PDE1A: variants seen among roughly 807,000 people sequenced by gnomAD.
The protein encoded by PDE1A is dual specificity calcium/calmodulin-dependent 3',5'-cyclic nucleotide phosphodiesterase 1A.
PDE1A carries 35 observed loss-of-function variants against 61.7 expected under a neutral mutation model. The observed-to-expected ratio is 0.57, with a 90% CI of 0.43 to 0.75. The LOEUF (loss-of-function observed/expected upper bound fraction) is 0.75. Among genes scored for constraint, PDE1A ranks in the 30% least tolerant of loss-of-function variants. The pLI is 0.00. For synonymous variants in PDE1A, 232 were observed against 213.2 expected (o/e 1.09, Z -0.77); for missense variants, 597 against 630.6 (o/e 0.95, Z 0.57).
chr2:182,626,738 C>T, the PDE1A span, among the ~76,000 whole-genome samples: 1,362 of 13,648 alleles, frequency 0.1, 240 homozygotes, highest in Middle Eastern at 0.67. Flanking sequence ...TATATATATA[C>T]ATATATATAC....
chr2:182,227,919 T>C (rs896502499), intron 6 of PDE1A, among the ~76,000 whole-genome samples: 1 of 152,090 alleles, frequency 6.6e-6, no homozygotes, highest in East Asian at 1.9e-4. Context: ...TTCTGTGTAG[T>C]CAGTGCACTA....
the PDE1A span, among the ~76,000 whole-genome samples, chr2:182,657,489 G>C: frequency 0.014 from 2,181 of 152,210 alleles, 41 homozygotes; most frequent in African/African-American, 0.049. Context: ...AAAATCCTAA[G>C]TGGGCAGGAT....
chr2:182,473,531 T>G (rs1483905294), intron 2 of PDE1A, among the ~76,000 whole-genome samples: 2 of 151,902 alleles, frequency 1.3e-5, no homozygotes, highest in African/African-American at 2.4e-5. Flanking sequence ...ATGTGCAGGT[T>G]TGTTACATAG....
At chr2:182,582,258 G>T in the PDE1A span, among the ~76,000 whole-genome samples, 1 of 152,140 alleles carries the variant, frequency 6.6e-6, no homozygotes, top group African/African-American at 2.4e-5. Flanking sequence ...AGTTATGTCA[G>T]TTGGCATGAA....
the PDE1A span, among the ~76,000 whole-genome samples, chr2:182,558,973 C>T: frequency 6.6e-6 from 1 of 152,204 alleles, no homozygotes; most frequent in South Asian, 2.1e-4. Flanking sequence ...CTTTGATCAT[C>T]GCTAATATCA....
At chr2:182,657,757 A>G in the PDE1A span, among the ~76,000 whole-genome samples, 3 of 152,200 alleles carry the variant, frequency 2.0e-5, no homozygotes, top group Admixed American at 6.5e-5. Flanking sequence ...TTTGCTTCCA[A>G]TTCTCCTAAA....
At chr2:182,528,663 T>C in the PDE1A span, among the ~76,000 whole-genome samples, 3 of 152,106 alleles carry the variant, frequency 2.0e-5, no homozygotes, top group Non-Finnish European at 2.9e-5. Flanking sequence ...GCCCCTCCCA[T>C]CACAAGCCTG....
intron 2 of PDE1A, among the ~76,000 whole-genome samples, chr2:182,496,913 T>C (rs990681541): frequency 2.0e-5 from 3 of 152,240 alleles, no homozygotes; most frequent in African/African-American, 7.2e-5. Context: ...AATCCCTTTC[T>C]GTTTCAAATA....
chr2:182,178,534 G>A (rs1308346368), intron 13 of PDE1A, among the ~76,000 whole-genome samples: 1 of 152,208 alleles, frequency 6.6e-6, no homozygotes, highest in East Asian at 1.9e-4. Context: ...TGCATTTTGA[G>A]TTATTTCCGA....
At chr2:182,247,946 A>G (rs1235701978) in intron 2 of PDE1A, among the ~76,000 whole-genome samples, 1 of 152,186 alleles carries the variant, frequency 6.6e-6, no homozygotes, top group African/African-American at 2.4e-5. Flanking sequence ...GTGCATAATC[A>G]TTTACATTGT....
intron 10 of PDE1A, among the ~76,000 whole-genome samples, chr2:182,189,947 C>A (rs908688979): frequency 6.6e-6 from 1 of 152,186 alleles, no homozygotes; most frequent in Non-Finnish European, 1.5e-5. Context: ...AATTTATTGG[C>A]TGTATACCTT....
intron 1 of PDE1A, among the ~76,000 whole-genome samples, chr2:182,371,177 G>T (rs1206649031): frequency 6.6e-6 from 1 of 151,928 alleles, no homozygotes; most frequent in South Asian, 2.1e-4. Flanking sequence ...AAAAGACTAC[G>T]AAAAAAGTAG....
chr2:182,476,682 T>A (rs1687385644), intron 2 of PDE1A, among the ~76,000 whole-genome samples: 1 of 151,862 alleles, frequency 6.6e-6, no homozygotes, highest in Admixed American at 6.6e-5. Flanking sequence ...TCAAAGCTTA[T>A]CAGAATTAAA....
rs1035306139 is a variant in PDE1A at position 182,420,019 on chromosome 2, TAATAG to T, written c.53+6554_53+6558del. 2.0e-5 allele frequency among the ~76,000 whole-genome samples: 3 copies of T among 149,018 alleles called. No individual in the cohort carries two copies. In the East Asian group the frequency reaches 5.8e-4, roughly 29 times the overall value. ...AATTATAATAGAATTATAATAATTA[TAATAG>T]AAGTATAATATAATTAATACTAATT... is the stretch of plus-strand genomic sequence containing the variant. On this transcript the variant is annotated intron_variant, in intron 1 of 13. Transcript: ENST00000351439.
At chr2:182,252,593 A>G (rs1313080505) in intron 2 of PDE1A, among the ~76,000 whole-genome samples, 1 of 152,228 alleles carries the variant, frequency 6.6e-6, no homozygotes, top group Non-Finnish European at 1.5e-5. Context: ...AAAGGAAGGC[A>G]GGAGAGATCT....
downstream of PDE1A, among the ~76,000 whole-genome samples, chr2:182,165,249 C>G (rs893419820): frequency 6.6e-6 from 1 of 152,152 alleles, no homozygotes; most frequent in African/African-American, 2.4e-5. Context: ...CTCACTGTTT[C>G]TGCAACATTA....
intron 2 of PDE1A, among the ~76,000 whole-genome samples, chr2:182,478,552 T>A (rs1687514387): frequency 6.6e-6 from 1 of 151,900 alleles, no homozygotes; most frequent in Admixed American, 6.6e-5. Flanking sequence ...CTACTGTATT[T>A]CCTCATGTCA....
the PDE1A span, among the ~76,000 whole-genome samples, chr2:182,700,423 A>G: frequency 1.3e-5 from 2 of 151,954 alleles, no homozygotes; most frequent in East Asian, 1.9e-4. Context: ...AAAAATACAA[A>G]AGAAATTAGC....
At chr2:182,262,006 G>C (rs1482689088) in intron 2 of PDE1A, among the ~76,000 whole-genome samples, 2 of 151,968 alleles carry the variant, frequency 1.3e-5, no homozygotes, top group South Asian at 2.1e-4. Context: ...AAAAATGAGG[G>C]AGCAAGGGAA....
Sources: gnomAD v4.1 joint callset for allele counts (sites outside exome capture counted in the v4.1 genomes callset) on GRCh38, gnomAD v4.1.1 for gene constraint, MANE v1.5 for transcripts, NCBI Gene and HGNC (gene_info 2026-07-23, HGNC 2026-07-21) for gene names.